SND1: variants seen among roughly 807,000 people sequenced by gnomAD.
The protein encoded by SND1 is staphylococcal nuclease domain-containing protein 1.
SND1 carries 38 observed loss-of-function variants against 121.7 expected under a neutral mutation model. The observed-to-expected ratio is 0.31, with a 90% CI of 0.24 to 0.41. The LOEUF (loss-of-function observed/expected upper bound fraction) is 0.41, where lower values mean the gene tolerates loss of function less well. Among genes scored for constraint, SND1 ranks in the 10% least tolerant of loss-of-function variants. SND1 has a pLI of 1.00. For synonymous variants in SND1, 401 were observed against 447.4 expected (o/e 0.90, Z 1.31); for missense variants, 868 against 1,184.6 (o/e 0.73, Z 3.92).
chr7:127,935,384 T>C (rs762907846), intron 15 of SND1, among the ~76,000 whole-genome samples: 2 of 152,194 alleles, frequency 1.3e-5, no homozygotes, highest in African/African-American at 2.4e-5. Context: ...GTTTTCATAA[T>C]ATAAATTTTA....
chr7:127,916,730 G>A (rs868186663), intron 14 of SND1, among the ~76,000 whole-genome samples: 10 of 152,192 alleles, frequency 6.6e-5, no homozygotes, highest in Middle Eastern at 3.2e-3. Flanking sequence ...TCAAGGTAAA[G>A]TAAGATGAAA....
Position 127,996,516 on chromosome 7 carries a change from C to T in SND1, c.1779+5460C>T, listed in dbSNP as rs528515177. Among the ~76,000 whole-genome samples the T allele has an allele frequency of 4.6e-5, 7 of 152,234 alleles. 1 individual carries two copies. The South Asian group carries it at 1.2e-3, about 27-fold the overall frequency. On this transcript the variant is annotated intron_variant, in intron 16 of 23. Coordinates refer to ENST00000354725, the MANE Select transcript of SND1 (RefSeq NM_014390.4). ...GCTCCTTCCCTGTTGAGGAGACCCACAAGAGAGGGAACACTAGCAAAGTTA... is the reference window on the plus strand; with the variant it reads ...GCTCCTTCCCTGTTGAGGAGACCCATAAGAGAGGGAACACTAGCAAAGTTA...
chr7:127,912,707 T>C lies in SND1; in HGVS notation c.1527+7888T>C, dbSNP rs141308908. 3.6e-3 allele frequency among the ~76,000 whole-genome samples: 542 copies of C among 152,314 alleles called. 2 individuals carry two copies. The highest frequency in any genetic ancestry group is 0.012 in the African/African-American group (508 of 41,568). On this transcript the variant is annotated intron_variant, in intron 14 of 23. Coordinates refer to ENST00000354725, the MANE Select transcript of SND1 (RefSeq NM_014390.4). ...TATATTTGAATAAGAGTCAAGACTT[T>C]ACCTTATTGAAAATTATCTTTTAAC...
chr7:128,033,449 A>G (rs1436024117), intron 16 of SND1, among the ~76,000 whole-genome samples: 1 of 152,186 alleles, frequency 6.6e-6, no homozygotes, highest in Admixed American at 6.5e-5. Context: ...GGCTCGCTTG[A>G]TAAACCCTCA....
chr7:127,761,294 T>C (rs1797301764), intron 10 of SND1, among the ~76,000 whole-genome samples: 1 of 152,224 alleles, frequency 6.6e-6, no homozygotes, highest in African/African-American at 2.4e-5. Context: ...TATATGTAAA[T>C]TCCTTTATAA....
At chr7:127,796,010 A>G (rs1584579081) in intron 10 of SND1, among the ~76,000 whole-genome samples, 1 of 152,006 alleles carries the variant, frequency 6.6e-6, no homozygotes, top group Non-Finnish European at 1.5e-5. Context: ...GGCGCCCATC[A>G]CCACTACCAG....
chr7:128,069,682 G>A (rs953756573), intron 16 of SND1, among the ~76,000 whole-genome samples: 2 of 152,218 alleles, frequency 1.3e-5, no homozygotes, highest in Non-Finnish European at 2.9e-5. Flanking sequence ...TATGTGCTAA[G>A]CACTTTTCTA....
intron 5 of SND1, 83 bp from the exon 6 acceptor site, chr7:127,702,352 G>C: frequency 7.9e-7 from 1 of 1,263,606 alleles, no homozygotes; most frequent in Admixed American, 1.7e-5. Context: ...AGAGGAAACT[G>C]TGTTAAGTGC....
chr7:127,939,891 A>G (rs1801154095), intron 15 of SND1, among the ~76,000 whole-genome samples: 1 of 151,976 alleles, frequency 6.6e-6, no homozygotes, highest in East Asian at 1.9e-4. Context: ...CTACTCTTCT[A>G]CTCTAAAGCG....
At position 127,723,046 on chromosome 7, in the gene SND1, T is replaced by G. The variant is rs111470151; in HGVS notation, c.1152+1646T>G. 4.1e-3 allele frequency among the ~76,000 whole-genome samples: 625 copies of G among 152,346 alleles called. 2 individuals are homozygous for G. Among genetic ancestry groups the G allele is most frequent in the African/African-American group, 0.014 (565 of 41,576 alleles). On this transcript the variant is annotated intron_variant, in intron 10 of 23. Coordinates refer to ENST00000354725, the MANE Select transcript of SND1 (RefSeq NM_014390.4). ...AAGGTTCCCACAGCAACCACAACTTTGAAATTCTTGAACGTTAATTTTTGT... is the reference window on the plus strand; with the variant it reads ...AAGGTTCCCACAGCAACCACAACTTGGAAATTCTTGAACGTTAATTTTTGT...
chr7:128,062,116 T>TA, intron 16 of SND1, among the ~76,000 whole-genome samples: 1 of 152,372 alleles, frequency 6.6e-6, no homozygotes, highest in East Asian at 1.9e-4. Flanking sequence ...TGGACTTTTT[T>TA]ATTCTGTGTC....
In SND1 at chr7:127,658,412, C is replaced by T. The variant is rs1350872741; in HGVS notation, c.78+5961C>T. ...TAAGATTTTCTGACTATCAGCTAGTCCTGTGTATTCCCAAAGTCACTATTT... is the reference window on the plus strand; with the variant it reads ...TAAGATTTTCTGACTATCAGCTAGTTCTGTGTATTCCCAAAGTCACTATTT... On this transcript the variant is annotated intron_variant, in intron 1 of 23. Coordinates refer to ENST00000354725, the MANE Select transcript of SND1 (RefSeq NM_014390.4). 3.3e-5 allele frequency among the ~76,000 whole-genome samples: 5 copies of T among 152,136 alleles called. No individual in the cohort carries two copies. In the East Asian group the frequency reaches 9.6e-4, roughly 29 times the overall value.
chr7:127,950,034 G>T (rs949561255), intron 15 of SND1, among the ~76,000 whole-genome samples: 1 of 152,148 alleles, frequency 6.6e-6, no homozygotes, highest in African/African-American at 2.4e-5. Flanking sequence ...AAGAGACTGT[G>T]GTCACCAGGA....
At chr7:127,909,025 C>T (rs1800402663) in intron 14 of SND1, among the ~76,000 whole-genome samples, 1 of 152,188 alleles carries the variant, frequency 6.6e-6, no homozygotes, top group Admixed American at 6.6e-5. Context: ...TTTACCTCCA[C>T]TTCTCCATCT....
At chr7:127,929,959 A>G (rs1275210324) in intron 15 of SND1, among the ~76,000 whole-genome samples, 2 of 152,250 alleles carry the variant, frequency 1.3e-5, no homozygotes, top group African/African-American at 2.4e-5. Flanking sequence ...ATATTTCACA[A>G]GCCAGAAGGC....
intron 16 of SND1, among the ~76,000 whole-genome samples, chr7:128,019,152 C>A (rs770138772): frequency 2.0e-5 from 3 of 152,194 alleles, no homozygotes; most frequent in Non-Finnish European, 4.4e-5. Flanking sequence ...CAGGAGGCCA[C>A]TTCTCCTGTG....
chr7:128,037,863 C>A (rs1050230706), intron 16 of SND1, among the ~76,000 whole-genome samples: 1 of 152,224 alleles, frequency 6.6e-6, no homozygotes, highest in Non-Finnish European at 1.5e-5. Flanking sequence ...TTCTCACTTT[C>A]TCTTTACATT....
intron 15 of SND1, among the ~76,000 whole-genome samples, chr7:127,970,297 A>G (rs776281850): frequency 6.6e-6 from 1 of 152,236 alleles, no homozygotes; most frequent in Non-Finnish European, 1.5e-5. Flanking sequence ...ACTGCCCATC[A>G]AAAGATAGGG....
chr7:127,860,676 T>C (rs533053867), intron 12 of SND1, among the ~76,000 whole-genome samples: 15 of 152,348 alleles, frequency 9.8e-5, no homozygotes, highest in African/African-American at 3.6e-4. Context: ...ATTATTACTG[T>C]TGTTTTAAAA....
Sources: allele counts gnomAD v4.1 joint callset (sites outside exome capture counted in the v4.1 genomes callset), GRCh38; gene constraint gnomAD v4.1.1; transcripts MANE v1.5; gene names NCBI Gene and HGNC (gene_info 2026-07-23, HGNC 2026-07-21).